EVPL: variants seen among roughly 807,000 people sequenced by gnomAD.
The protein encoded by EVPL is 210 kDa cornified envelope precursor protein.
A neutral mutation model predicts 129.7 loss-of-function variants in EVPL; 94 were observed. That is an observed-to-expected ratio of 0.72 (90% confidence interval 0.61 to 0.86). EVPL has a LOEUF of 0.86. EVPL is among the 40% of genes least tolerant of loss of function. EVPL has a pLI of 0.00. For synonymous variants in EVPL, 1,172 were observed against 1,191.1 expected, an observed-to-expected ratio of 0.98 and a Z score of 0.33; for missense variants, 2,625 against 2,721.1, an observed-to-expected ratio of 0.96 and a Z score of 0.79.
At position 76,009,623 on chromosome 17, in the gene EVPL, C is replaced by T. The variant is rs1288783673; in HGVS notation, c.3582G>A (p.Glu1194=). 3.1e-6 allele frequency: 5 copies of T among 1,614,008 alleles called. No individual in the cohort carries two copies. The South Asian group carries it at 4.4e-5, about 14-fold the overall frequency. The change falls in exon 22 of 22, where the codon GAG becomes GAA. Residue 1194 remains glutamate, a synonymous_variant. Transcript: ENST00000301607. This position sits in a 1 kb window ranked among gnomAD's most constrained non-coding sequence, Gnocchi z 5.9. ...CCACCTGGAAGATCTCGTGGACGCGCTCCTGGAGCTGCACTTTGGGCCTCT... is the reference window on the plus strand; with the variant it reads ...CCACCTGGAAGATCTCGTGGACGCGTTCCTGGAGCTGCACTTTGGGCCTCT... ...EKQRPKVQLQ[E]RVHEIFQVDP... is the part of the protein sequence containing the mutation.
chr17:76,018,860 G>T, intron 11 of EVPL, 54 bp downstream of exon 11: 1 of 1,481,120 alleles, frequency 6.8e-7, no homozygotes, highest in East Asian at 2.4e-5. Context: ...CAGGGGCAGG[G>T]GATGGGTTGG....
chr17:76,009,141 T>G lies in EVPL; in HGVS notation c.4064A>C (p.Gln1355Pro). Residue 1355 changes from glutamine (Q) to proline (P), a missense_variant, in exon 22 of 22, where the codon CAG (glutamine) becomes CCG (proline). Gln to Pro is a moderately conservative substitution (Grantham distance 76). Transcript: ENST00000301607. This position sits in a 1 kb window ranked among gnomAD's most constrained non-coding sequence, Gnocchi z 5.9. ...RAAEDAVYEL[Q>P]SKRLLLERRK... ...CCTCTCCAGCAGCAGGCGCTTGCTC[T>G]GCAGCTCGTACACCGCGTCCTCCGC... 2 of 1,612,526 alleles carry G rather than the reference T, an allele frequency of 1.2e-6. No individual in the cohort carries two copies. The highest frequency in any genetic ancestry group is 1.7e-6 in the Non-Finnish European group (2 of 1,179,778).
At position 76,022,063 on chromosome 17, in the gene EVPL, G is replaced by A. The variant is rs372593258; in HGVS notation, c.646-35C>T. 28 of 1,558,934 alleles carry A rather than the reference G, an allele frequency of 1.8e-5. No homozygotes were observed. In the African/African-American group the frequency reaches 2.7e-4, roughly 15 times the overall value. The stretch of plus-strand genomic sequence containing the variant: ...GGACCCGCCGCCAGCAGCAGGGTGG[G>A]GAGACAGAAAGTGGGGGGCAAAAGG... On this transcript the variant is annotated intron_variant, in intron 6 of 21. Transcript: ENST00000301607. This position sits in a 1 kb window ranked among gnomAD's most constrained non-coding sequence, Gnocchi z 5.6.
chr17:76,015,385 G>T lies in EVPL; in HGVS notation c.1890-20C>A. 6.2e-7 allele frequency: 1 copy of T among 1,602,898 alleles called. No homozygotes were observed. The highest frequency in any genetic ancestry group is 8.5e-7 in the Non-Finnish European group (1 of 1,175,664). ...TTGGCTCTGCCGCAGAGGAGGCAAG[G>T]CTCAGACACTCCCTGGGCCACACGC... On this transcript the variant is annotated intron_variant, in intron 15 of 21. Transcript: ENST00000301607.
At position 76,009,847 on chromosome 17, in the gene EVPL, T is replaced by C. The variant is rs1188548065; in HGVS notation, c.3358A>G (p.Ile1120Val). 6 of 1,614,038 alleles carry C rather than the reference T, an allele frequency of 3.7e-6. No individual in the cohort carries two copies. In the South Asian group the frequency reaches 4.4e-5, roughly 12 times the overall value. ...CTGATAGCCCGCTCCAGGTCTTCGA[T>C]GCGAGCCTGTAGCTTGGCCACAGCC... ...EEAVAKLQARIEDLERAISSV... is the reference protein window; with the variant it reads ...EEAVAKLQARVEDLERAISSV... The change falls in exon 22 of 22, where the codon ATC (isoleucine) becomes GTC (valine). Residue 1120 changes from isoleucine (I) to valine (V), a missense_variant. Around this residue, in one of 4 missense-constraint regions of EVPL, gnomAD observed 1,453 missense variants for 1,511.8 expected, o/e 0.96. Transcript: ENST00000301607. This position sits in a 1 kb window ranked among gnomAD's most constrained non-coding sequence, Gnocchi z 5.9.
At position 76,010,377 on chromosome 17, in the gene EVPL, A is replaced by G. The variant is rs1182753468; in HGVS notation, c.2828T>C (p.Leu943Pro). The change falls in exon 22 of 22, where the codon CTG becomes CCG. Residue 943 changes from leucine (L) to proline (P), a missense_variant. Coordinates refer to ENST00000301607, the MANE Select transcript of EVPL (RefSeq NM_001988.4). ...CAAGGGCCGCTGGGTCCTCAGCTGCAGCAGTTGGCTCCTCTGCGCCTCCAG... is the reference window on the plus strand; with the variant it reads ...CAAGGGCCGCTGGGTCCTCAGCTGCGGCAGTTGGCTCCTCTGCGCCTCCAG... ...HELEAQRSQL[L>P]QLRTQRPLER... 1 of 1,613,942 alleles carries G rather than the reference A, an allele frequency of 6.2e-7. No homozygotes were observed. The highest frequency in any genetic ancestry group is 1.1e-5 in the South Asian group (1 of 91,078).
In EVPL at chr17:76,007,485, T is replaced by TCGATGC; in HGVS notation, c.5714_5719dup (p.Gly1905_Ile1906dup). On this transcript the variant is annotated inframe_insertion, in exon 22 of 22. Coordinates refer to ENST00000301607, the MANE Select transcript of EVPL (RefSeq NM_001988.4). This position sits in a 1 kb window ranked among gnomAD's most constrained non-coding sequence, Gnocchi z 8.8. ...GAGCCTCTTCTTGGTGACGGGGTCC[T>TCGATGC]CGATGCCGGTGAAGGCCTTCTGGGC... 6.2e-7 allele frequency: 1 copy of TCGATGC among 1,612,482 alleles called. No individual in the cohort carries two copies. Among genetic ancestry groups the TCGATGC allele is most frequent in the South Asian group, 1.1e-5 (1 of 91,052 alleles).
chr17:76,008,663 C>T lies in EVPL; in HGVS notation c.4542G>A (p.Ser1514=), dbSNP rs1466668887. 1 of 1,612,638 alleles carries T rather than the reference C, an allele frequency of 6.2e-7. No homozygotes were observed. The change falls in exon 22 of 22, where the codon TCG becomes TCA. Residue 1514 remains serine (S), a synonymous_variant. Transcript: ENST00000301607. The surrounding 1 kb of genome is among the most constrained non-coding windows in gnomAD (Gnocchi z 7.4). ...CTTCCTTGTAGATGGTCTTCTCCTG[C>T]GATTTGGCTTTCTGGAGGACGTCAA... ...VQIDVLQKAK[S]QEKTIYKEVI...
intron 18 of EVPL, 153 bp from the exon 19 acceptor site, chr17:76,012,242 C>T: frequency 1.7e-6 from 1 of 585,472 alleles, no homozygotes; most frequent in Non-Finnish European, 3.0e-6. Context: ...TCCCTCCTTT[C>T]CCTGACATCA....
In EVPL at chr17:76,006,953, G is replaced by A. The variant is rs1045290351; in HGVS notation, c.*150C>T. ...TGGATCAGGCACCAAGGTTAGGGGA[G>A]GGAGCCCATCACCATGTTAGTAAAA... On this transcript the variant is annotated 3_prime_UTR_variant, in exon 22 of 22. Transcript: ENST00000301607. 7.8e-6 allele frequency: 7 copies of A among 902,010 alleles called. No homozygotes were observed. In the African/African-American group the frequency reaches 1.2e-4, roughly 15 times the overall value. The allele number at this position is 902,010 out of a possible 1,614,324, so 55.9% of individuals were successfully genotyped here.
chr17:76,014,448 G>T lies in EVPL; in HGVS notation c.2351C>A (p.Ala784Asp). The T allele has an allele frequency of 2.5e-6, 4 of 1,610,610 alleles. No individual in the cohort carries two copies. Among genetic ancestry groups the T allele is most frequent in the Non-Finnish European group, 3.4e-6 (4 of 1,178,968 alleles). Reference protein sequence around the residue: ...VRPSDGPSQIAYKLQAQKRLT... With the variant: ...VRPSDGPSQIDYKLQAQKRLT... ...CACCTTCTGCGCCTGCAGCTTGTAG[G>T]CGATCTGGCTGGGGCCGTCGCTGGG... The change falls in exon 18 of 22, where the codon GCC becomes GAC. Residue 784 changes from alanine to aspartate, a missense_variant. Physicochemically the swap from Ala to Asp is moderately radical, Grantham distance 126. Coordinates refer to ENST00000301607, the MANE Select transcript of EVPL (RefSeq NM_001988.4).
rs200214596 is a variant in EVPL at position 76,008,161 on chromosome 17, G to C, written c.5044C>G (p.Leu1682Val). Residue 1682 changes from leucine (L) to valine (V), a missense_variant, in exon 22 of 22, where the codon CTT (leucine) becomes GTT (valine). Around this residue, in one of 4 missense-constraint regions of EVPL, gnomAD observed 1,453 missense variants for 1,511.8 expected, o/e 0.96. Coordinates refer to ENST00000301607, the MANE Select transcript of EVPL (RefSeq NM_001988.4). This position sits in a 1 kb window ranked among gnomAD's most constrained non-coding sequence, Gnocchi z 7.4. ...SQETQTRETN[L>V]STKISILEPE... is the part of the protein sequence containing the mutation. ...TCCAGGATGGAGATCTTGGTGGAAA[G>C]GTTGGTCTCTCGCGTCTGGGTCTCC... 8.5e-5 allele frequency: 137 copies of C among 1,614,170 alleles called. No individual in the cohort carries two copies. Among genetic ancestry groups the C allele is most frequent in the Non-Finnish European group, 9.2e-5 (109 of 1,180,036 alleles).
chr17:76,018,215 C>T lies in EVPL; in HGVS notation c.1483G>A (p.Val495Ile). ...LQALKQKLAT[V>I]QSRLKASAVE... The stretch of plus-strand genomic sequence containing the variant: ...GCACTGGCCTTCAGGCGGCTCTGGA[C>T]TGTGGCCAATTTCTGCTTCAGGGCC... Residue 495 changes from valine (V) to isoleucine (I), a missense_variant, in exon 13 of 22, where the codon GTC (valine) becomes ATC (isoleucine). Around this residue, in one of 4 missense-constraint regions of EVPL, gnomAD observed 1,024 missense variants for 997.5 expected, o/e 1.03. Coordinates refer to ENST00000301607, the MANE Select transcript of EVPL (RefSeq NM_001988.4). The T allele has an allele frequency of 1.3e-6, 2 of 1,550,292 alleles. No homozygotes were observed. Among genetic ancestry groups the T allele is most frequent in the Non-Finnish European group, 1.7e-6 (2 of 1,146,224 alleles).
chr17:76,014,767 G>A (rs1042981937), intron 17 of EVPL, 149 bp downstream of exon 17: 1 of 1,090,326 alleles, frequency 9.2e-7, no homozygotes, highest in Non-Finnish European at 1.3e-6. Context: ...ACCACCCTGG[G>A]AGGTAAGTGC....
chr17:76,015,460 A>T lies in EVPL; in HGVS notation c.1879T>A (p.Tyr627Asn). 3 of 1,612,918 alleles carry T rather than the reference A, an allele frequency of 1.9e-6. No homozygotes were observed. The highest frequency in any genetic ancestry group is 2.5e-6 in the Non-Finnish European group (3 of 1,179,672). Residue 627 changes from tyrosine (Y) to asparagine (N), a missense_variant, in exon 15 of 22, where the codon TAC becomes AAC. Tyr to Asn is a moderately radical substitution (Grantham distance 143). Coordinates refer to ENST00000301607, the MANE Select transcript of EVPL (RefSeq NM_001988.4). ...CCCCAGAGCACTCACTTCTCCCCGT[A>T]GAGGCTGCACAGAACCTGCACGTCA... is the stretch of plus-strand genomic sequence containing the variant. ...FSDVQVLCSL[Y>N]GEKAKAALDL... is the part of the protein sequence containing the mutation.
Position 76,010,397 on chromosome 17 carries a change from C to T in EVPL, c.2808G>A (p.Glu936=). Residue 936 remains glutamate, a synonymous_variant, in exon 22 of 22, where the codon GAG becomes GAA. Coordinates refer to ENST00000301607, the MANE Select transcript of EVPL (RefSeq NM_001988.4). ...KRVARVQHEL[E]AQRSQLLQLR... is the part of the protein sequence containing the mutation. ...GCTGCAGCAGTTGGCTCCTCTGCGC[C>T]TCCAGCTCATGCTGCACCCGGGCCA... 3 of 1,614,050 alleles carry T rather than the reference C, an allele frequency of 1.9e-6. No individual in the cohort carries two copies. Among genetic ancestry groups the T allele is most frequent in the Non-Finnish European group, 2.5e-6 (3 of 1,180,024 alleles).
chr17:76,012,934 T>TG lies in EVPL; in HGVS notation c.2374-846dup, dbSNP rs750911360. ...TAATTTTTTGTATTTTTAGTAGAGA[T>TG]GGGGTTTCACCGTGTTAGCCAGGAT... On this transcript the variant is annotated intron_variant, in intron 18 of 21. Coordinates refer to ENST00000301607, the MANE Select transcript of EVPL (RefSeq NM_001988.4). 4.0e-4 allele frequency among the ~76,000 whole-genome samples: 61 copies of TG among 151,764 alleles called. 1 individual carries two copies. The highest frequency in any genetic ancestry group is 4.2e-4 in the South Asian group (2 of 4,784).
chr17:76,025,446 G>C (rs1412171732), intron 1 of EVPL, among the ~76,000 whole-genome samples: 1 of 152,184 alleles, frequency 6.6e-6, no homozygotes, highest in Non-Finnish European at 1.5e-5. Context: ...CCTGAGGACG[G>C]AGCTGCCCCA....
At position 76,007,420 on chromosome 17, in the gene EVPL, C is replaced by T. The variant is rs1322240603; in HGVS notation, c.5785G>A (p.Glu1929Lys). 1.2e-5 allele frequency: 19 copies of T among 1,605,942 alleles called. No homozygotes were observed. Among genetic ancestry groups the T allele is most frequent in the African/African-American group, 4.0e-5 (3 of 74,810 alleles). The part of the protein sequence containing the change: ...EAVQKGWMPR[E>K]SVLPHLQVQH... ...ACCTGCAGGTGTGGGAGCACGCTCTCCCGGGGCATCCAGCCCTTCTGGACG... is the reference window on the plus strand; with the variant it reads ...ACCTGCAGGTGTGGGAGCACGCTCTTCCGGGGCATCCAGCCCTTCTGGACG... The change falls in exon 22 of 22, where the codon GAG (glutamate) becomes AAG (lysine). Residue 1929 changes from glutamate (E) to lysine (K), a missense_variant. Glu to Lys is a moderately conservative substitution (Grantham distance 56). Around this residue, in one of 4 missense-constraint regions of EVPL, gnomAD observed 1,453 missense variants for 1,511.8 expected, o/e 0.96. Coordinates refer to ENST00000301607, the MANE Select transcript of EVPL (RefSeq NM_001988.4). The surrounding 1 kb of genome is among the most constrained non-coding windows in gnomAD (Gnocchi z 8.8).
Sources: allele counts gnomAD v4.1 joint callset (sites outside exome capture counted in the v4.1 genomes callset), GRCh38; gene constraint gnomAD v4.1.1; regional missense constraint gnomAD v4.1.1; non-coding constraint Gnocchi (gnomAD v3.1); transcripts MANE v1.5; gene names NCBI Gene and HGNC (gene_info 2026-07-23, HGNC 2026-07-21).